Variants in ARAP2 observed in about 807,000 individuals in gnomAD.
The protein encoded by ARAP2 is ArfGAP with RhoGAP domain, ankyrin repeat and PH domain 2, also known as arf-GAP with Rho-GAP domain, ANK repeat and PH domain-containing protein 2.
In ARAP2, 148 loss-of-function variants were observed where a neutral mutation model predicts 194.5. That is an observed-to-expected ratio of 0.76 (90% confidence interval 0.67 to 0.87). The LOEUF (loss-of-function observed/expected upper bound fraction) is 0.87, where lower values mean the gene tolerates loss of function less well. ARAP2 is among the 40% of genes least tolerant of loss of function. The probability of loss-of-function intolerance (pLI) is 0.00; values close to 1 mark genes in which losing one functional copy is unlikely to be tolerated. For synonymous variants in ARAP2, 695 were observed against 683.5 expected, an observed-to-expected ratio of 1.02 and a Z score of -0.26; for missense variants, 2,128 against 1,989.7, an observed-to-expected ratio of 1.07 and a Z score of -1.32.
chr4:36,131,093 CA>C (rs1725332328), intron 20 of ARAP2, among the ~76,000 whole-genome samples: 1 of 151,718 alleles, frequency 6.6e-6, no homozygotes, highest in African/African-American at 2.4e-5. Context: ...ACCCACAGGT[CA>C]GGGGGTTCAA....
In ARAP2 at chr4:36,093,287, T is replaced by C. The variant is rs537940306; in HGVS notation, c.4286-1267A>G. On this transcript the variant is annotated intron_variant, in intron 27 of 32. Coordinates refer to ENST00000303965, the MANE Select transcript of ARAP2 (RefSeq NM_015230.4). ...TTAATATCTGGGTGATGAAATAATCTGCACAACACACCCCCATGACCCAAG... is the reference window on the plus strand; with the variant it reads ...TTAATATCTGGGTGATGAAATAATCCGCACAACACACCCCCATGACCCAAG... Among the ~76,000 whole-genome samples the C allele has an allele frequency of 3.8e-4, 58 of 152,136 alleles. No individual in the cohort carries two copies. The South Asian group carries it at 5.6e-3, about 15-fold the overall frequency.
chr4:36,243,317 A>C (rs953116560), intron 1 of ARAP2, among the ~76,000 whole-genome samples: 1 of 142,546 alleles, frequency 7.0e-6, no homozygotes, highest in Non-Finnish European at 1.5e-5. Context: ...TTTTCAATAC[A>C]CTTCTTGATT....
chr4:36,177,792 TAGC>T, intron 9 of ARAP2, 32 bp downstream of exon 9: 1 of 1,518,066 alleles, frequency 6.6e-7, no homozygotes. Context: ...TATAATAAAA[TAGC>T]AGCAATTTGC....
intron 7 of ARAP2, among the ~76,000 whole-genome samples, chr4:36,193,142 A>G (rs556544396): frequency 6.6e-6 from 1 of 152,308 alleles, no homozygotes; most frequent in East Asian, 1.9e-4. Flanking sequence ...ATCTTCCATT[A>G]TTCTCAGCCA....
At chr4:36,243,713 G>A (rs1373527841) in intron 1 of ARAP2, 2 of 152,204 alleles carry the variant, frequency 1.3e-5, no homozygotes, top group African/African-American at 4.8e-5. Flanking sequence ...CCCGTGTAAG[G>A]TATCGGGTTC....
At chr4:36,115,982 T>G (rs1721228254) in intron 25 of ARAP2, among the ~76,000 whole-genome samples, 1 of 151,976 alleles carries the variant, frequency 6.6e-6, no homozygotes. Context: ...TTTGTATAGA[T>G]TTAAGTCACA....
intron 27 of ARAP2, among the ~76,000 whole-genome samples, chr4:36,092,508 G>A (rs900655315): frequency 3.3e-5 from 5 of 152,156 alleles, no homozygotes; most frequent in African/African-American, 1.2e-4. Context: ...ACTGGAGGAG[G>A]TTGAGGCAGG....
chr4:36,171,301 A>C (rs1404038491), intron 9 of ARAP2, among the ~76,000 whole-genome samples: 1 of 152,228 alleles, frequency 6.6e-6, no homozygotes, highest in Non-Finnish European at 1.5e-5. Flanking sequence ...CTGGATTAAG[A>C]AAATGTGGCA....
chr4:36,220,965 C>T (rs954370530), intron 2 of ARAP2, among the ~76,000 whole-genome samples: 13 of 152,114 alleles, frequency 8.5e-5, no homozygotes, highest in Admixed American at 5.2e-4. Context: ...GGTGTAATGT[C>T]CTCGGCTTCA....
intron 27 of ARAP2, among the ~76,000 whole-genome samples, chr4:36,104,490 A>G (rs1227972150): frequency 2.6e-5 from 4 of 152,036 alleles, no homozygotes; most frequent in Non-Finnish European, 5.9e-5. Flanking sequence ...ACATTTTCCA[A>G]GACAAAAATA....
rs1754256582 is a variant in ARAP2, at chr4:36,244,420, G to C, written c.-401C>G. The C allele has an allele frequency of 6.7e-6, 1 of 149,854 alleles. No individual in the cohort carries two copies. The highest frequency in any genetic ancestry group is 1.5e-5 in the Non-Finnish European group (1 of 67,138). 9.3% of individuals were successfully genotyped at this position (149,854 alleles called of 1,614,324 possible). Reference sequence around the variant, plus strand: ...CGCCGCACCTGGAGGCGGGGAGCGCGGGCCGCGGACCCGCGCTCAGCTCCG... The same window carrying C: ...CGCCGCACCTGGAGGCGGGGAGCGCCGGCCGCGGACCCGCGCTCAGCTCCG... On this transcript the variant is annotated 5_prime_UTR_variant, in exon 1 of 33. Transcript: ENST00000303965.
intron 6 of ARAP2, among the ~76,000 whole-genome samples, chr4:36,205,145 A>C (rs1471335130): frequency 1.3e-5 from 2 of 152,078 alleles, no homozygotes; most frequent in Non-Finnish European, 2.9e-5. Context: ...GTTATACTAT[A>C]AAACAAAATT....
chr4:36,110,426 A>T (rs967395874), intron 26 of ARAP2, among the ~76,000 whole-genome samples: 3 of 151,936 alleles, frequency 2.0e-5, no homozygotes, highest in Non-Finnish European at 1.5e-5. Context: ...AAAGTAACTG[A>T]TTCTCAAACT....
At chr4:36,233,988 A>G (rs878976839) in intron 1 of ARAP2, among the ~76,000 whole-genome samples, 2 of 152,228 alleles carry the variant, frequency 1.3e-5, no homozygotes, top group African/African-American at 4.8e-5. Context: ...TGGACTTACA[A>G]TGAAGTTACA....
intron 27 of ARAP2, among the ~76,000 whole-genome samples, chr4:36,092,926 G>A (rs1714116789): frequency 1.3e-5 from 2 of 152,066 alleles, no homozygotes; most frequent in Admixed American, 6.6e-5. Flanking sequence ...ACAGGCAAGG[G>A]TAAGAAAGGC....
chr4:36,114,572 C>T (rs571542580), intron 25 of ARAP2, among the ~76,000 whole-genome samples: 9 of 152,122 alleles, frequency 5.9e-5, no homozygotes, highest in African/African-American at 2.2e-4. Flanking sequence ...TAATTACATT[C>T]GGAATGACCT....
chr4:36,154,427 T>C (rs918534882), intron 15 of ARAP2, among the ~76,000 whole-genome samples: 11 of 152,182 alleles, frequency 7.2e-5, no homozygotes, highest in Non-Finnish European at 4.4e-5. Flanking sequence ...ATAGAATTTC[T>C]AGTAATCCAA....
At chr4:36,055,103 T>C (rs1467346186) in intron 2 of ARAP2, among the ~76,000 whole-genome samples, 2 of 152,226 alleles carry the variant, frequency 1.3e-5, no homozygotes, top group African/African-American at 4.8e-5. Context: ...TAAACAGCTC[T>C]AGTATTTTGA....
rs1305350674 is a variant in ARAP2 at position 36,159,402 on chromosome 4, G to T, written c.2546C>A (p.Thr849Asn). The part of the protein sequence containing the change: ...MCATGDPVHS[T>N]PYLLAKKAGQ... ...AGCTTTCTTGGCTAGCAGATAGGGG[G>T]TGCTATGCACGGGGTCTCCGGTGGC... The change falls in exon 14 of 33, where the codon ACC (threonine) becomes AAC (asparagine). Residue 849 changes from threonine (T) to asparagine (N), a missense_variant. Coordinates refer to ENST00000303965, the MANE Select transcript of ARAP2 (RefSeq NM_015230.4). 1.2e-6 allele frequency: 2 copies of T among 1,611,568 alleles called. No homozygotes were observed. The highest frequency in any genetic ancestry group is 1.1e-5 in the South Asian group (1 of 90,802).
Sources: gnomAD v4.1 joint callset for allele counts (sites outside exome capture counted in the v4.1 genomes callset) on GRCh38, gnomAD v4.1.1 for gene constraint, MANE v1.5 for transcripts, NCBI Gene and HGNC (gene_info 2026-07-23, HGNC 2026-07-21) for gene names.